The following PHC2 variants were observed in gnomAD, a reference collection of about 807,000 sequenced individuals.
PHC2 encodes the protein polyhomeotic-like protein 2.
In PHC2, 29 loss-of-function variants were observed where a neutral mutation model predicts 87.4. That is an observed-to-expected ratio of 0.33 (90% CI 0.25 to 0.45). PHC2 has a LOEUF of 0.45. Among genes scored for constraint, PHC2 ranks in the 20% least tolerant of loss-of-function variants. The pLI, the probability that PHC2 is intolerant of heterozygous loss-of-function variation, is 1.00. For synonymous variants in PHC2, 438 were observed against 461.7 expected, an observed-to-expected ratio of 0.95 and a Z score of 0.66; for missense variants, 857 against 1,136.7, an observed-to-expected ratio of 0.75 and a Z score of 3.54.
chr1:33,343,612 G>A (rs1331200217), intron 9 of PHC2, among the ~76,000 whole-genome samples: 1 of 151,914 alleles, frequency 6.6e-6, no homozygotes, highest in Non-Finnish European at 1.5e-5. Flanking sequence ...ATTAAATAAT[G>A]TAATGCAGGC....
chr1:33,349,784 G>A lies in PHC2; in HGVS notation c.1558+4617C>T. On this transcript the variant is annotated intron_variant, in intron 9 of 14. Coordinates refer to ENST00000683057, the MANE Select transcript of PHC2 (RefSeq NM_001385109.1). The surrounding 1 kb of genome is among the most constrained non-coding windows in gnomAD (Gnocchi z 4.2). ...TGGCCGGCGTCAACAAAGGGCGGCC[G>A]GGGCGCGAGGCCGGGACGGGGGCGC... 3.1e-6 allele frequency: 3 copies of A among 978,320 alleles called. No homozygotes were observed. The highest frequency in any genetic ancestry group is 4.6e-5 in the South Asian group (1 of 21,762). The allele number at this position is 978,320 out of a possible 1,614,324, so 60.6% of individuals were successfully genotyped here.
At position 33,334,393 on chromosome 1, in the gene PHC2, G is replaced by T; in HGVS notation, c.1559-101C>A. 2 of 1,034,990 alleles carry T rather than the reference G, an allele frequency of 1.9e-6. No homozygotes were observed. Among genetic ancestry groups the T allele is most frequent in the Non-Finnish European group, 2.9e-6 (2 of 694,138 alleles). The allele number at this position is 1,034,990 out of a possible 1,614,324, so 64.1% of individuals were successfully genotyped here. On this transcript the variant is annotated intron_variant, in intron 9 of 14. Transcript: ENST00000683057. This position sits in a 1 kb window ranked among gnomAD's most constrained non-coding sequence, Gnocchi z 5.5. ...ACTCAAACTGCGCCCGGCTTTTACC[G>T]TGGGGCCAAGCGACAATGCAAACCA...
intron 14 of PHC2, among the ~76,000 whole-genome samples, chr1:33,328,110 G>A (rs528622312): frequency 2.6e-5 from 4 of 152,312 alleles, no homozygotes; most frequent in African/African-American, 7.2e-5. Context: ...GTCGGTGTAT[G>A]AGTGAGACTG....
intron 1 of PHC2, among the ~76,000 whole-genome samples, chr1:33,375,861 G>C (rs1227021447): frequency 6.6e-6 from 1 of 152,188 alleles, no homozygotes; most frequent in East Asian, 1.9e-4. Flanking sequence ...AAAGTATATA[G>C]GAGGATGTGG....
intron 6 of PHC2, among the ~76,000 whole-genome samples, chr1:33,367,863 G>A (rs982624450): frequency 6.6e-6 from 1 of 152,166 alleles, no homozygotes; most frequent in East Asian, 1.9e-4. Flanking sequence ...GAAGGCCACC[G>A]GGCAAATATC....
chr1:33,389,807 C>G (rs1648959428), intron 1 of PHC2, among the ~76,000 whole-genome samples: 1 of 152,188 alleles, frequency 6.6e-6, no homozygotes, highest in Admixed American at 6.5e-5. Flanking sequence ...TGCCTTTCCT[C>G]TGTTAGCATA....
chr1:33,330,125 G>A lies in PHC2; in HGVS notation c.2094C>T (p.Arg698=). The change falls in exon 13 of 15, where the codon CGC becomes CGT. Residue 698 remains arginine (R), a synonymous_variant. Transcript: ENST00000683057. ...GCAGACTGGCTTTGCTGGCCCGACGGCGGTTGTGGGTCGCAGCTCCTGCCT... is the reference window on the plus strand; with the variant it reads ...GCAGACTGGCTTTGCTGGCCCGACGACGGTTGTGGGTCGCAGCTCCTGCCT... The part of the protein sequence containing the change: ...LQKAGAATHN[R]RRASKASLPP... The A allele has an allele frequency of 1.2e-6, 2 of 1,614,212 alleles. No individual in the cohort carries two copies. The highest frequency in any genetic ancestry group is 1.7e-6 in the Non-Finnish European group (2 of 1,180,036).
intron 9 of PHC2, chr1:33,347,772 A>T (rs936478182): frequency 2.4e-5 from 24 of 980,326 alleles, no homozygotes; most frequent in Non-Finnish European, 2.7e-5. Context: ...CATGTGATGA[A>T]GAGTGCCTGG....
intron 9 of PHC2, chr1:33,347,687 A>G (rs1646870387): frequency 1.0e-5 from 10 of 985,378 alleles, no homozygotes; most frequent in Non-Finnish European, 1.1e-5. Context: ...AGGCTGGAGG[A>G]AAAAGATGTC....
chr1:33,361,885 C>G (rs1179306805), intron 7 of PHC2, among the ~76,000 whole-genome samples: 1 of 152,162 alleles, frequency 6.6e-6, no homozygotes, highest in African/African-American at 2.4e-5. Flanking sequence ...TTGCACAGGC[C>G]ATCTCAGTCA....
At position 33,349,105 on chromosome 1, in the gene PHC2, GAC is replaced by G. The variant is rs1251797631; in HGVS notation, c.1558+5294_1558+5295del. The G allele has an allele frequency of 1.0e-6, 1 of 985,402 alleles. No homozygotes were observed. The highest frequency in any genetic ancestry group is 1.2e-6 in the Non-Finnish European group (1 of 829,872). The allele number at this position is 985,402 out of a possible 1,614,324, so 61.0% of individuals were successfully genotyped here. On this transcript the variant is annotated intron_variant, in intron 9 of 14. Transcript: ENST00000683057. The surrounding 1 kb of genome is among the most constrained non-coding windows in gnomAD (Gnocchi z 4.2). Reference sequence around the variant, plus strand: ...ACGCTCTTCTAAAAATGGAAGAAAAGACACAGAACAGCTTGTCCCTTTCCATC... The same window carrying G: ...ACGCTCTTCTAAAAATGGAAGAAAAGACAGAACAGCTTGTCCCTTTCCATC...
intron 9 of PHC2, chr1:33,347,660 C>T: frequency 1.0e-6 from 1 of 985,330 alleles, no homozygotes; most frequent in South Asian, 4.7e-5. Flanking sequence ...AAGAAACTAC[C>T]CCCTTTCTCA....
At chr1:33,329,579 A>G (rs1323589828) in intron 13 of PHC2, among the ~76,000 whole-genome samples, 1 of 152,236 alleles carries the variant, frequency 6.6e-6, no homozygotes, top group Non-Finnish European at 1.5e-5. Flanking sequence ...GTGTCCTTAG[A>G]GCCTAGTGCC....
chr1:33,380,908 C>G (rs1010243327), intron 1 of PHC2, among the ~76,000 whole-genome samples: 3 of 152,198 alleles, frequency 2.0e-5, no homozygotes, highest in African/African-American at 2.4e-5. Context: ...GCATTATGAC[C>G]AAGGTGCCCA....
chr1:33,424,545 A>G (rs370077329), intron 1 of PHC2, among the ~76,000 whole-genome samples: 28 of 152,228 alleles, frequency 1.8e-4, no homozygotes, highest in African/African-American at 6.3e-4. Context: ...TGAAGCTTAC[A>G]AGTTAATCAT....
At position 33,372,733 on chromosome 1, in the gene PHC2, G is replaced by A. The variant is rs115433118; in HGVS notation, c.175-286C>T. 3.1e-3 allele frequency among the ~76,000 whole-genome samples: 470 copies of A among 152,324 alleles called. 2 individuals carry two copies. The highest frequency in any genetic ancestry group is 0.011 in the African/African-American group (452 of 41,578). ...TGCCTCGGTGAGGAGAATCAGAGCC[G>A]CACGCCAGTGCTTTAACCAACTCTT... On this transcript the variant is annotated intron_variant, in intron 2 of 14. Coordinates refer to ENST00000683057, the MANE Select transcript of PHC2 (RefSeq NM_001385109.1).
chr1:33,391,459 C>A (rs1379128704), intron 1 of PHC2, among the ~76,000 whole-genome samples: 2 of 152,172 alleles, frequency 1.3e-5, no homozygotes, highest in African/African-American at 4.8e-5. Flanking sequence ...CGGGCAGGAG[C>A]TTTGAGCCTT....
intron 9 of PHC2, among the ~76,000 whole-genome samples, chr1:33,340,069 C>A (rs1302602659): frequency 6.6e-6 from 1 of 152,212 alleles, no homozygotes; most frequent in Non-Finnish European, 1.5e-5. Context: ...CCAAACGGAG[C>A]TTTTCCTTCT....
intron 1 of PHC2, among the ~76,000 whole-genome samples, chr1:33,399,366 T>C (rs1649423943): frequency 6.6e-6 from 1 of 152,200 alleles, no homozygotes; most frequent in African/African-American, 2.4e-5. Flanking sequence ...AGTCACATTA[T>C]CATTATCACT....
Sources: allele counts gnomAD v4.1 joint callset (sites outside exome capture counted in the v4.1 genomes callset), GRCh38; gene constraint gnomAD v4.1.1; non-coding constraint Gnocchi (gnomAD v3.1); transcripts MANE v1.5; gene names NCBI Gene and HGNC (gene_info 2026-07-23, HGNC 2026-07-21).